The following UPRT variants were observed in gnomAD, a reference collection of about 807,000 sequenced individuals.
UPRT encodes RP11-311P8.3.
A neutral mutation model predicts 22.6 loss-of-function variants in UPRT; 5 were observed. The ratio of observed to expected loss-of-function variants is 0.22; its 90% confidence interval spans 0.12 to 0.47. The LOEUF is 0.47. Ranked by LOEUF, UPRT falls within the 20% of genes least tolerant of loss-of-function variation. The pLI, the probability that UPRT is intolerant of heterozygous loss-of-function variation, is 0.99. For missense variants in UPRT, 181 were observed against 239.9 expected, an observed-to-expected ratio of 0.75 and a Z score of 1.62; for synonymous variants, 77 against 87.7, an observed-to-expected ratio of 0.88 and a Z score of 0.68.
intron 4 of UPRT, among the ~76,000 whole-genome samples, chrX:75,203,580 G>A (rs757794719): frequency 3.6e-5 from 4 of 109,999 alleles, no homozygotes; most frequent in East Asian, 2.9e-4. Flanking sequence ...TATGTCCAGC[G>A]TAAGGCCTAC....
intron 4 of UPRT, among the ~76,000 whole-genome samples, chrX:75,299,365 T>G (rs1480036265): frequency 8.9e-6 from 1 of 112,053 alleles, no homozygotes; most frequent in Non-Finnish European, 1.9e-5. Context: ...AGTCACAAAT[T>G]TAGGTGGTTT....
At chrX:75,160,485 A>G (rs1006250952) in intron 1 of UPRT, among the ~76,000 whole-genome samples, 1 of 111,792 alleles carries the variant, frequency 8.9e-6, no homozygotes, top group Non-Finnish European at 1.9e-5. Context: ...AGATGTTTAT[A>G]TCAGTGTTAT....
At position 75,214,908 on chromosome X, in the gene UPRT, G is replaced by C. The variant is rs369732041; in HGVS notation, c.-447+47029G>C. Reference sequence around the variant, plus strand: ...AGCCTGGGTGAAAGAGTAAGGCTTTGTCTCAAAAAAATTTGCCAAGAAGGT... The same window carrying C: ...AGCCTGGGTGAAAGAGTAAGGCTTTCTCTCAAAAAAATTTGCCAAGAAGGT... On this transcript the variant is annotated intron_variant, in intron 4 of 13. Transcript: ENST00000652605. Among the ~76,000 whole-genome samples, 60 of 109,264 alleles carry C rather than the reference G, an allele frequency of 5.5e-4. 3 individuals are homozygous for C. In the East Asian group the frequency reaches 8.0e-3, roughly 15 times the overall value. 94.9% of individuals were successfully genotyped at this position (109,264 alleles called of 115,157 possible).
rs1165781274 is a variant in UPRT, at chrX:75,293,578, AG to A, written c.429+67del. The A allele has an allele frequency of 7.2e-5, 79 of 1,099,778 alleles. No homozygotes were observed. In the African/African-American group the frequency reaches 1.4e-3, roughly 20 times the overall value. The allele number at this position is 1,099,778 out of a possible 1,213,427, so 90.6% of individuals were successfully genotyped here. ...CTAGTGATATAACCATGGTAGACCAAGGGATATTTTTGTTCTAGAGCATTCT... is the reference window on the plus strand; with the variant it reads ...CTAGTGATATAACCATGGTAGACCAAGGATATTTTTGTTCTAGAGCATTCT... On this transcript the variant is annotated intron_variant, in intron 2 of 6. Transcript: ENST00000373383.
At chrX:75,266,002 T>C (rs1282688060) in intron 4 of UPRT, among the ~76,000 whole-genome samples, 1 of 111,178 alleles carries the variant, frequency 9.0e-6, no homozygotes, top group Non-Finnish European at 1.9e-5. Context: ...ATTGTGAAAA[T>C]GGCCATACTG....
At chrX:75,265,677 A>G (rs1196083821) in intron 4 of UPRT, among the ~76,000 whole-genome samples, 2 of 111,377 alleles carry the variant, frequency 1.8e-5, no homozygotes, top group African/African-American at 3.3e-5. Context: ...TCTTCTCTAA[A>G]CTCTTCAAAG....
chrX:75,208,915 G>A (rs757443366), intron 4 of UPRT, among the ~76,000 whole-genome samples: 3 of 111,652 alleles, frequency 2.7e-5, no homozygotes, highest in Non-Finnish European at 3.8e-5. Context: ...TGAGGATGAG[G>A]GGGAGGAGAG....
Position 75,274,715 on chromosome X carries a change from C to T in UPRT, c.386+75C>T, listed in dbSNP as rs1392993582. 8 of 1,089,233 alleles carry T rather than the reference C, an allele frequency of 7.3e-6. No homozygotes were observed. In the East Asian group the frequency reaches 2.3e-4, roughly 31 times the overall value. The allele number at this position is 1,089,233 out of a possible 1,213,427, so 89.8% of individuals were successfully genotyped here. ...TGGGCGGGGATTGGAAGTAAAAGGG[C>T]TAAGAGACAGTGTTCTTGGCCTTGG... On this transcript the variant is annotated intron_variant, in intron 1 of 6. Transcript: ENST00000373383.
intron 4 of UPRT, among the ~76,000 whole-genome samples, chrX:75,235,123 A>T (rs781040759): frequency 2.7e-5 from 3 of 112,130 alleles, no homozygotes; most frequent in Admixed American, 9.4e-5. Flanking sequence ...AATCCCACAG[A>T]AATACAGACT....
intron 4 of UPRT, among the ~76,000 whole-genome samples, chrX:75,175,811 A>T (rs1380773608): frequency 2.7e-5 from 3 of 111,077 alleles, no homozygotes; most frequent in Non-Finnish European, 3.8e-5. Context: ...ACCTCTCTCA[A>T]CCGTTTGTCT....
intron 4 of UPRT, among the ~76,000 whole-genome samples, chrX:75,298,045 C>G (rs1336187121): frequency 1.9e-5 from 2 of 106,620 alleles, no homozygotes; most frequent in Non-Finnish European, 3.9e-5. Flanking sequence ...GTGGCGTGAT[C>G]ATAGCTCGCT....
chrX:75,252,450 A>G (rs760021394), intron 4 of UPRT, among the ~76,000 whole-genome samples: 21 of 112,925 alleles, frequency 1.9e-4, no homozygotes, highest in African/African-American at 6.1e-4. Flanking sequence ...AATGCTCATC[A>G]ACACTGGCCA....
chrX:75,264,627 T>G (rs956917456), intron 4 of UPRT, among the ~76,000 whole-genome samples: 2 of 109,399 alleles, frequency 1.8e-5, no homozygotes, highest in Non-Finnish European at 1.9e-5. Flanking sequence ...CACTGATGGG[T>G]CTTGACTCTT....
chrX:75,292,031 T>G (rs999542908), intron 1 of UPRT, among the ~76,000 whole-genome samples: 1 of 111,684 alleles, frequency 9.0e-6, no homozygotes, highest in African/African-American at 3.2e-5. Context: ...TGTAATAAAG[T>G]GATATCTAAC....
chrX:75,232,131 G>C (rs533833738), intron 4 of UPRT, among the ~76,000 whole-genome samples: 3 of 112,380 alleles, frequency 2.7e-5, no homozygotes, highest in East Asian at 5.6e-4. Flanking sequence ...ACTTGGGAAG[G>C]GCAAGGGGTC....
chrX:75,173,180 G>A (rs191420723), intron 4 of UPRT, among the ~76,000 whole-genome samples: 4,408 of 112,035 alleles, frequency 0.039, 101 homozygotes, highest in Middle Eastern at 0.069. Context: ...AGTGTCGATT[G>A]GTGCATTCAC....
rs145640213 is a variant in UPRT, at chrX:75,173,661, G to A, written c.-447+5782G>A. Among the ~76,000 whole-genome samples, 1,108 of 112,357 alleles carry A rather than the reference G, an allele frequency of 9.9e-3. 6 individuals carry two copies. The highest frequency in any genetic ancestry group is 0.015 in the Non-Finnish European group (785 of 53,145). ...CATGGAGCAGGGGGAAGTGCTCGTCGGGGAGGCTCGGGCCACACAGGAGCC... is the reference window on the plus strand; with the variant it reads ...CATGGAGCAGGGGGAAGTGCTCGTCAGGGAGGCTCGGGCCACACAGGAGCC... On this transcript the variant is annotated intron_variant, in intron 4 of 13. Coordinates refer to the UPRT transcript ENST00000652605.
chrX:75,188,401 C>G (rs1230831518), intron 4 of UPRT, among the ~76,000 whole-genome samples: 1 of 112,072 alleles, frequency 8.9e-6, no homozygotes, highest in African/African-American at 3.2e-5. Flanking sequence ...CAGCTGTGTG[C>G]TGGGAGAACC....
chrX:75,255,011 A>G (rs1037475677), intron 4 of UPRT, among the ~76,000 whole-genome samples: 1 of 110,112 alleles, frequency 9.1e-6, no homozygotes, highest in African/African-American at 3.3e-5. Flanking sequence ...TCCTGACCTC[A>G]TGATCCACCC....
Sources: gnomAD v4.1 joint callset for allele counts (sites outside exome capture counted in the v4.1 genomes callset) on GRCh38, gnomAD v4.1.1 for gene constraint, MANE v1.5 for transcripts, NCBI Gene and HGNC (gene_info 2026-07-23, HGNC 2026-07-21) for gene names.